The following SPOCK1 variants were observed in gnomAD, a reference collection of about 807,000 sequenced individuals.
SPOCK1 encodes testican-1.
A neutral mutation model predicts 55.3 loss-of-function variants in SPOCK1; 23 were observed. The observed-to-expected ratio is 0.42, with a 90% CI of 0.30 to 0.59. SPOCK1 has a LOEUF of 0.59. Ranked by LOEUF, SPOCK1 falls within the 20% of genes least tolerant of loss-of-function variation. SPOCK1 has a pLI of 0.22. For synonymous variants in SPOCK1, 226 were observed against 221.0 expected (o/e 1.02, Z -0.20); for missense variants, 499 against 552.5 (o/e 0.90, Z 0.97).
At chr5:137,109,037 G>A (rs536465407) in intron 5 of SPOCK1, among the ~76,000 whole-genome samples, 2 of 152,304 alleles carry the variant, frequency 1.3e-5, no homozygotes, top group Admixed American at 1.3e-4. Flanking sequence ...AGGTTCACAG[G>A]GAGCTGGCAT....
At chr5:137,126,107 C>T (rs1042265828) in intron 4 of SPOCK1, among the ~76,000 whole-genome samples, 1 of 152,216 alleles carries the variant, frequency 6.6e-6, no homozygotes, top group African/African-American at 2.4e-5. Context: ...TCATGAATGG[C>T]TGGCTGGGTG....
chr5:137,295,974 A>G (rs1032071788), intron 2 of SPOCK1, among the ~76,000 whole-genome samples: 10 of 152,128 alleles, frequency 6.6e-5, no homozygotes, highest in African/African-American at 1.4e-4. Context: ...CTAACCCCCA[A>G]TGTGAGGTGT....
At chr5:137,285,451 C>T (rs1271653232) in intron 2 of SPOCK1, among the ~76,000 whole-genome samples, 1 of 152,172 alleles carries the variant, frequency 6.6e-6, no homozygotes. Flanking sequence ...CCCTTAACAA[C>T]AGCAGCAGTT....
At chr5:137,116,739 C>G (rs1230163615) in intron 4 of SPOCK1, among the ~76,000 whole-genome samples, 1 of 152,164 alleles carries the variant, frequency 6.6e-6, no homozygotes, top group African/African-American at 2.4e-5. Context: ...CCTTCACAGG[C>G]TCCCTGTCTA....
At chr5:137,467,038 C>T (rs774675193) in intron 2 of SPOCK1, among the ~76,000 whole-genome samples, 19 of 152,246 alleles carry the variant, frequency 1.2e-4, no homozygotes, top group Non-Finnish European at 2.5e-4. Context: ...GGCTGAGAGC[C>T]TCAGCTCCTC....
chr5:137,074,693 TTTGTTGTTG>T (rs59523966), intron 5 of SPOCK1, among the ~76,000 whole-genome samples: 8 of 148,532 alleles, frequency 5.4e-5, no homozygotes, highest in South Asian at 4.5e-4. Context: ...ATTTTTGTAT[TTTGTTGTTG>T]TTGTTGTTGT....
At chr5:137,459,867 C>G (rs2149837043) in intron 2 of SPOCK1, among the ~76,000 whole-genome samples, 1 of 151,794 alleles carries the variant, frequency 6.6e-6, no homozygotes, top group East Asian at 1.9e-4. Flanking sequence ...CCCAGAGGGG[C>G]AGGTTTGGAA....
chr5:137,128,690 T>C (rs988795195), intron 4 of SPOCK1, among the ~76,000 whole-genome samples: 5 of 152,200 alleles, frequency 3.3e-5, no homozygotes, highest in Admixed American at 2.6e-4. Context: ...ACATTAAGCA[T>C]GTCCCAATGG....
chr5:137,067,813 T>C lies in SPOCK1; in HGVS notation c.491A>G (p.His164Arg). 2 of 1,614,038 alleles carry C rather than the reference T, an allele frequency of 1.2e-6. No individual in the cohort carries two copies. Among genetic ancestry groups the C allele is most frequent in the Non-Finnish European group, 1.7e-6 (2 of 1,179,992 alleles). ...GAGGCTTTTGCCAGTAGAACAAGCA[T>C]GGAACTCCAATTTGCACTGCAAAAG... The part of the protein sequence containing the change: ...SYTSKCKLEF[H>R]ACSTGKSLAT... The change falls in exon 6 of 11, where the codon CAT becomes CGT. Residue 164 changes from histidine to arginine, a missense_variant. His to Arg is a conservative substitution (Grantham distance 29). This residue lies in a region of SPOCK1 where 386 missense variants were observed against 400.6 expected (regional missense o/e 0.96). Transcript: ENST00000394945.
chr5:137,062,699 T>C (rs1413213684), intron 6 of SPOCK1, among the ~76,000 whole-genome samples: 1 of 149,210 alleles, frequency 6.7e-6, no homozygotes, highest in African/African-American at 2.5e-5. Flanking sequence ...TCCTAAAAAA[T>C]ACCAAGAGAA....
At chr5:137,262,031 T>C (rs568583656) in intron 3 of SPOCK1, among the ~76,000 whole-genome samples, 19 of 152,358 alleles carry the variant, frequency 1.2e-4, no homozygotes, top group African/African-American at 4.3e-4. Flanking sequence ...AATCCTTTTG[T>C]TCAGCAAAAG....
intron 4 of SPOCK1, among the ~76,000 whole-genome samples, chr5:137,126,349 A>G (rs1370430763): frequency 6.6e-6 from 1 of 151,982 alleles, no homozygotes; most frequent in Non-Finnish European, 1.5e-5. Flanking sequence ...TGAGCCAAAT[A>G]TATATCTTTT....
chr5:137,311,625 C>T lies in SPOCK1; in HGVS notation c.187-44570G>A, dbSNP rs75505344. On this transcript the variant is annotated intron_variant, in intron 2 of 10. Coordinates refer to ENST00000394945, the MANE Select transcript of SPOCK1 (RefSeq NM_004598.4). ...TCTAATCTTTACACACACATAAGCA[C>T]ATGTGTACACTTTTATTGACTTTTC... Among the ~76,000 whole-genome samples, 236 of 152,296 alleles carry T rather than the reference C, an allele frequency of 1.5e-3. 5 individuals carry two copies. In the East Asian group the frequency reaches 0.04, roughly 26 times the overall value.
chr5:137,483,901 A>T (rs1439710817), intron 2 of SPOCK1, among the ~76,000 whole-genome samples: 3 of 152,198 alleles, frequency 2.0e-5, no homozygotes, highest in African/African-American at 7.2e-5. Flanking sequence ...CATGATGCTG[A>T]GACAGCACCC....
At chr5:137,119,386 T>C (rs778132785) in intron 4 of SPOCK1, among the ~76,000 whole-genome samples, 22 of 152,220 alleles carry the variant, frequency 1.4e-4, no homozygotes, top group Non-Finnish European at 3.1e-4. Flanking sequence ...AAATAATCTG[T>C]CATGTAAAAC....
chr5:137,287,987 A>C (rs1163616078), intron 2 of SPOCK1, among the ~76,000 whole-genome samples: 1 of 152,206 alleles, frequency 6.6e-6, no homozygotes, highest in African/African-American at 2.4e-5. Flanking sequence ...GGACAATAAG[A>C]AAAGACCCTC....
intron 2 of SPOCK1, among the ~76,000 whole-genome samples, chr5:137,479,463 T>C (rs1753903434): frequency 1.3e-5 from 2 of 152,222 alleles, no homozygotes; most frequent in African/African-American, 4.8e-5. Flanking sequence ...ACAGTATTAA[T>C]ACCACTGGCC....
At chr5:137,424,267 G>A (rs149933631) in intron 2 of SPOCK1, among the ~76,000 whole-genome samples, 1 of 152,290 alleles carries the variant, frequency 6.6e-6, no homozygotes, top group Non-Finnish European at 1.5e-5. Context: ...TGTGGTCCTA[G>A]CTACTCAGGA....
At chr5:137,466,142 A>G (rs75023435) in intron 2 of SPOCK1, among the ~76,000 whole-genome samples, 1 of 152,254 alleles carries the variant, frequency 6.6e-6, no homozygotes, top group Non-Finnish European at 1.5e-5. Flanking sequence ...TTCATCTTGC[A>G]GAAGTTGAAA....
Sources: allele counts gnomAD v4.1 joint callset (sites outside exome capture counted in the v4.1 genomes callset), GRCh38; gene constraint gnomAD v4.1.1; regional missense constraint gnomAD v4.1.1; transcripts MANE v1.5; gene names NCBI Gene and HGNC (gene_info 2026-07-23, HGNC 2026-07-21).